Variants in ACSL3 observed in about 807,000 individuals in gnomAD.
ACSL3 encodes fatty acid CoA ligase Acsl3.
ACSL3 carries 34 observed loss-of-function variants against 84.7 expected under a neutral mutation model. The observed-to-expected ratio is 0.40, with a 90% CI of 0.31 to 0.53. ACSL3 has a LOEUF of 0.53. Among genes scored for constraint, ACSL3 ranks in the 20% least tolerant of loss-of-function variants. ACSL3 has a pLI of 0.48. For missense variants in ACSL3, 680 were observed against 873.1 expected (o/e 0.78, Z 2.79); for synonymous variants, 315 against 299.4 (o/e 1.05, Z -0.54).
chr2:222,895,246 CTG>C (rs1695944614), intron 2 of ACSL3, among the ~76,000 whole-genome samples: 1 of 152,142 alleles, frequency 6.6e-6, no homozygotes, highest in South Asian at 2.1e-4. Context: ...GCTTATTACT[CTG>C]AGAAAATAGA....
chr2:222,891,274 C>T (rs1007059365), intron 2 of ACSL3, among the ~76,000 whole-genome samples: 3 of 152,156 alleles, frequency 2.0e-5, no homozygotes, highest in Non-Finnish European at 4.4e-5. Context: ...TTTGGGAACC[C>T]TAGGCATCAG....
chr2:222,938,521 A>G (rs757430117), intron 16 of ACSL3, among the ~76,000 whole-genome samples: 8 of 152,172 alleles, frequency 5.3e-5, no homozygotes, highest in East Asian at 1.9e-4. Context: ...TGATAGTTCA[A>G]TGAGAGCTTC....
At chr2:222,877,396 G>A (rs1695476119) in intron 1 of ACSL3, among the ~76,000 whole-genome samples, 1 of 152,196 alleles carries the variant, frequency 6.6e-6, no homozygotes, top group South Asian at 2.1e-4. Flanking sequence ...CATGAGGGCA[G>A]GATCAGTTGA....
intron 12 of ACSL3, 22 bp downstream of exon 12, chr2:222,927,211 G>GGCT: frequency 6.2e-7 from 1 of 1,603,234 alleles, no homozygotes; most frequent in Non-Finnish European, 8.5e-7. Flanking sequence ...CATGGTCAGA[G>GGCT]GCTGGAGTGT....
Position 222,941,763 on chromosome 2 carries a change from A to AT in ACSL3, c.*111dup. 8.3e-7 allele frequency: 1 copy of AT among 1,203,086 alleles called. No homozygotes were observed. Among genetic ancestry groups the AT allele is most frequent in the Non-Finnish European group, 1.1e-6 (1 of 883,508 alleles). The allele number at this position is 1,203,086 out of a possible 1,614,324, so 74.5% of individuals were successfully genotyped here. The stretch of plus-strand genomic sequence containing the variant: ...CAAACTCCATTCCTCATATTAAACT[A>AT]TTACTTCTCATGACGTCACCATTTT... On this transcript the variant is annotated 3_prime_UTR_variant, in exon 17 of 17. Coordinates refer to ENST00000357430, the MANE Select transcript of ACSL3 (RefSeq NM_004457.5).
chr2:222,915,104 G>C (rs1377902161), intron 4 of ACSL3, among the ~76,000 whole-genome samples: 2 of 152,176 alleles, frequency 1.3e-5, no homozygotes, highest in Non-Finnish European at 2.9e-5. Flanking sequence ...CCTTTAGAGT[G>C]TAAAATTCTT....
Position 222,916,309 on chromosome 2 carries a change from G to C in ACSL3, c.379-10G>C. 6.8e-7 allele frequency: 1 copy of C among 1,474,978 alleles called. No homozygotes were observed. The highest frequency in any genetic ancestry group is 1.5e-5 in the South Asian group (1 of 65,450). 91.4% of individuals were successfully genotyped at this position (1,474,978 alleles called of 1,614,324 possible). On this transcript the variant is annotated splice_polypyrimidine_tract_variant and intron_variant, in intron 4 of 16. Transcript: ENST00000357430. Reference sequence around the variant, plus strand: ...GATTACATTAAAAAAATTTTTTTTTGTTTTATCAGGTTATTCTTGGACAGT... The same window carrying C: ...GATTACATTAAAAAAATTTTTTTTTCTTTTATCAGGTTATTCTTGGACAGT...
chr2:222,894,698 C>T (rs567702204), intron 2 of ACSL3, among the ~76,000 whole-genome samples: 1 of 151,428 alleles, frequency 6.6e-6, no homozygotes, highest in Non-Finnish European at 1.5e-5. Context: ...TTGCCTATAT[C>T]TTTTTCTGTA....
chr2:222,884,394 G>T (rs1221112619), intron 1 of ACSL3, among the ~76,000 whole-genome samples: 1 of 152,176 alleles, frequency 6.6e-6, no homozygotes, highest in African/African-American at 2.4e-5. Context: ...TAGAACAACA[G>T]AAATTTATTC....
intron 3 of ACSL3, 36 bp from the exon 4 acceptor site, chr2:222,908,697 A>AT: frequency 7.3e-7 from 1 of 1,365,224 alleles, no homozygotes; most frequent in East Asian, 2.4e-5. Flanking sequence ...TTTTAAAATG[A>AT]TTTTGAACTA....
chr2:222,870,942 A>G lies in ACSL3; in HGVS notation c.-207+9684A>G, dbSNP rs73991921. Among the ~76,000 whole-genome samples the G allele has an allele frequency of 9.3e-3, 1,416 of 152,248 alleles. 25 individuals are homozygous for G. The highest frequency in any genetic ancestry group is 0.031 in the African/African-American group (1,275 of 41,542). On this transcript the variant is annotated intron_variant, in intron 1 of 16. Coordinates refer to ENST00000357430, the MANE Select transcript of ACSL3 (RefSeq NM_004457.5). ...AAATACGGGTTATAAGGGAGTGGCA[A>G]CGTCACACTGGCAACATGAATGAAG...
chr2:222,892,131 A>G (rs1352297298), intron 2 of ACSL3, among the ~76,000 whole-genome samples: 1 of 152,216 alleles, frequency 6.6e-6, no homozygotes, highest in Non-Finnish European at 1.5e-5. Context: ...AGATTGTGTT[A>G]GTATTTGAGG....
intron 1 of ACSL3, among the ~76,000 whole-genome samples, chr2:222,864,234 T>G (rs970156733): frequency 6.6e-6 from 1 of 152,170 alleles, no homozygotes; most frequent in Non-Finnish European, 1.5e-5. Flanking sequence ...GACTTTAGTT[T>G]TGGAAGTGTT....
chr2:222,916,202 A>G (rs1001029432), intron 4 of ACSL3, 117 bp from the exon 5 acceptor site: 1 of 638,558 alleles, frequency 1.6e-6, no homozygotes. Context: ...TTTATTAAAA[A>G]GATAATTCTA....
In ACSL3 at chr2:222,943,827, A is replaced by G. The variant is rs934990744; in HGVS notation, c.*2173A>G. Reference sequence around the variant, plus strand: ...AAAAAACCACTCAATTATGACTCATATAAGAAATACTGGTTTAACCAGGAG... The same window carrying G: ...AAAAAACCACTCAATTATGACTCATGTAAGAAATACTGGTTTAACCAGGAG... On this transcript the variant is annotated 3_prime_UTR_variant, in exon 17 of 17. Transcript: ENST00000357430. 4 of 152,174 alleles carry G rather than the reference A, an allele frequency of 2.6e-5. No individual in the cohort carries two copies. The highest frequency in any genetic ancestry group is 6.5e-5 in the Admixed American group (1 of 15,274). 9.4% of individuals were successfully genotyped at this position (152,174 alleles called of 1,614,324 possible). A position where few individuals can be genotyped will look rare whatever the true frequency, so the allele number is the denominator to read the frequency against.
At chr2:222,923,789 A>AGTAGTTTC (rs5838970) in intron 10 of ACSL3, among the ~76,000 whole-genome samples, 126,609 of 151,770 alleles carry the variant, frequency 0.83, 53,151 homozygotes, top group East Asian at 0.97. Context: ...ATAAATAATC[A>AGTAGTTTC]GTAGTTTCTT....
chr2:222,892,967 A>G (rs1695878782), intron 2 of ACSL3, among the ~76,000 whole-genome samples: 1 of 152,220 alleles, frequency 6.6e-6, no homozygotes, highest in South Asian at 2.1e-4. Context: ...CTTGATATCC[A>G]GCATTGTGCA....
chr2:222,881,663 T>A (rs1376375866), intron 1 of ACSL3, among the ~76,000 whole-genome samples: 1 of 152,116 alleles, frequency 6.6e-6, no homozygotes, highest in Non-Finnish European at 1.5e-5. Context: ...ATTACAGGCA[T>A]GCGCCACCAC....
intron 2 of ACSL3, among the ~76,000 whole-genome samples, chr2:222,896,871 G>T (rs1433806342): frequency 5.6e-5 from 1 of 17,728 alleles, no homozygotes; most frequent in Admixed American, 5.4e-4. Context: ...CTGGCCGGGC[G>T]GGGGGCCGAC....
Sources: allele counts gnomAD v4.1 joint callset (sites outside exome capture counted in the v4.1 genomes callset), GRCh38; gene constraint gnomAD v4.1.1; transcripts MANE v1.5; gene names NCBI Gene and HGNC (gene_info 2026-07-23, HGNC 2026-07-21).